The following NAALADL2 variants were observed in gnomAD, a reference collection of about 807,000 sequenced individuals.
The protein encoded by NAALADL2 is N-acetylated alpha-linked acidic dipeptidase like 2.
NAALADL2 carries 76 observed loss-of-function variants against 87.2 expected under a neutral mutation model. The ratio of observed to expected loss-of-function variants is 0.87; its 90% CI spans 0.72 to 1.05. The LOEUF (loss-of-function observed/expected upper bound fraction) is 1.05, where lower values mean the gene tolerates loss of function less well. Ranked by LOEUF, NAALADL2 falls within the 50% of genes least tolerant of loss-of-function variation. NAALADL2 has a pLI of 0.00. For synonymous variants in NAALADL2, 354 were observed against 331.0 expected (o/e 1.07, Z -0.75); for missense variants, 1,089 against 945.8 (o/e 1.15, Z -1.99).
chr3:174,885,892 T>TAGA, intron 1 of NAALADL2, among the ~76,000 whole-genome samples: 2 of 25,788 alleles, frequency 7.8e-5, no homozygotes, highest in Non-Finnish European at 1.4e-4. Flanking sequence ...TTTTTTTTTT[T>TAGA]TTTTTTTTTT....
chr3:175,261,498 A>G (rs1751032445), intron 4 of NAALADL2, among the ~76,000 whole-genome samples: 2 of 152,154 alleles, frequency 1.3e-5, no homozygotes, highest in Admixed American at 1.3e-4. Context: ...GTGAAATTAC[A>G]GATGAATATA....
intron 11 of NAALADL2, among the ~76,000 whole-genome samples, chr3:175,736,909 T>A (rs576138817): frequency 9.6e-4 from 146 of 152,316 alleles, no homozygotes; most frequent in Non-Finnish European, 1.8e-3. Flanking sequence ...TTGTCTGAAG[T>A]TTTCCTTAGT....
At position 175,379,551 on chromosome 3, in the gene NAALADL2, T is replaced by C. The variant is rs114181725; in HGVS notation, c.1090+55226T>C. ...TTTTGTTTTTTTTTTTTCCTTTTTT[T>C]AAGATGGAGTCTCACTCTGTCACCC... On this transcript the variant is annotated intron_variant, in intron 5 of 13. Coordinates refer to ENST00000454872, the MANE Select transcript of NAALADL2 (RefSeq NM_207015.3). Among the ~76,000 whole-genome samples the C allele has an allele frequency of 8.2e-3, 1,245 of 151,972 alleles. 12 individuals are homozygous for C. The highest frequency in any genetic ancestry group is 0.028 in the African/African-American group (1,176 of 41,438).
intron 2 of NAALADL2, among the ~76,000 whole-genome samples, chr3:174,567,679 A>T (rs776899241): frequency 6.6e-6 from 1 of 151,688 alleles, no homozygotes; most frequent in Non-Finnish European, 1.5e-5. Context: ...ATAAGTCGAT[A>T]TGATCATAGG....
chr3:175,321,023 GAC>G, intron 4 of NAALADL2, among the ~76,000 whole-genome samples: 1 of 151,604 alleles, frequency 6.6e-6, no homozygotes, highest in South Asian at 2.1e-4. Flanking sequence ...GCCGGGCAGA[GAC>G]ACAACCAAAA....
chr3:175,713,937 GT>G (rs1449630809), intron 11 of NAALADL2, among the ~76,000 whole-genome samples: 2 of 152,026 alleles, frequency 1.3e-5, no homozygotes, highest in Non-Finnish European at 2.9e-5. Flanking sequence ...ATGTTCATGT[GT>G]TCTCATTGTT....
At chr3:174,524,574 C>T (rs1047531959) in intron 1 of NAALADL2, among the ~76,000 whole-genome samples, 3 of 151,942 alleles carry the variant, frequency 2.0e-5, no homozygotes, top group South Asian at 2.1e-4. Context: ...TGACAGAGTC[C>T]GGCTCTGTTG....
intron 10 of NAALADL2, among the ~76,000 whole-genome samples, chr3:175,609,239 G>C (rs1385002424): frequency 6.6e-6 from 1 of 152,092 alleles, no homozygotes; most frequent in Non-Finnish European, 1.5e-5. Context: ...AGTGTAGTCT[G>C]AAACATTGGA....
chr3:174,705,752 C>A (rs1325072826), intron 2 of NAALADL2, among the ~76,000 whole-genome samples: 1 of 139,772 alleles, frequency 7.2e-6, no homozygotes, highest in Admixed American at 7.9e-5. Context: ...CACTGCACTC[C>A]AGCCTGGGCG....
chr3:175,630,104 T>A (rs1230208452), intron 11 of NAALADL2, among the ~76,000 whole-genome samples: 1 of 151,790 alleles, frequency 6.6e-6, no homozygotes, highest in African/African-American at 2.4e-5. Flanking sequence ...TGCACTCATG[T>A]TGGAAGCATT....
chr3:174,814,021 A>C (rs1449437629), intron 3 of NAALADL2, among the ~76,000 whole-genome samples: 1 of 152,168 alleles, frequency 6.6e-6, no homozygotes, highest in Non-Finnish European at 1.5e-5. Flanking sequence ...TTCATATAGA[A>C]GTTTAATAGA....
chr3:175,538,476 A>C (rs1711676027), intron 9 of NAALADL2, among the ~76,000 whole-genome samples: 1 of 152,148 alleles, frequency 6.6e-6, no homozygotes, highest in Admixed American at 6.5e-5. Context: ...TCTACATCAC[A>C]CACAAAAATA....
intron 5 of NAALADL2, among the ~76,000 whole-genome samples, chr3:175,371,168 T>A (rs932846063): frequency 1.3e-5 from 2 of 152,202 alleles, no homozygotes; most frequent in African/African-American, 4.8e-5. Context: ...TTTTTATATT[T>A]AGCTTCATCT....
At chr3:175,547,586 G>A (rs141900531) in intron 9 of NAALADL2, among the ~76,000 whole-genome samples, 2 of 152,080 alleles carry the variant, frequency 1.3e-5, no homozygotes, top group East Asian at 3.9e-4. Context: ...AAGAGCTTCT[G>A]CACCGCAAAA....
At chr3:175,396,593 G>T (rs995605021) in intron 5 of NAALADL2, among the ~76,000 whole-genome samples, 11 of 151,874 alleles carry the variant, frequency 7.2e-5, no homozygotes, top group Non-Finnish European at 1.5e-4. Context: ...CACTAGAGAC[G>T]CCAGAAATCT....
intron 5 of NAALADL2, among the ~76,000 whole-genome samples, chr3:175,417,623 C>T (rs1357445128): frequency 6.6e-6 from 1 of 151,918 alleles, no homozygotes. Context: ...CTCATTGGCA[C>T]TGTAGTTTAA....
chr3:175,230,462 C>G (rs992728355), intron 2 of NAALADL2, among the ~76,000 whole-genome samples: 1 of 151,758 alleles, frequency 6.6e-6, no homozygotes, highest in African/African-American at 2.4e-5. Flanking sequence ...TAGGCAAAAA[C>G]AAGAGCAGTT....
At chr3:175,268,942 ATT>A (rs71164626) in intron 4 of NAALADL2, among the ~76,000 whole-genome samples, 28,610 of 142,904 alleles carry the variant, frequency 0.2, 3,098 homozygotes, top group East Asian at 0.44. Context: ...TAACTATTTA[ATT>A]TTTTTTTTTT....
intron 4 of NAALADL2, among the ~76,000 whole-genome samples, chr3:175,286,383 G>A (rs73184724): frequency 1.3e-5 from 2 of 152,258 alleles, no homozygotes; most frequent in Non-Finnish European, 2.9e-5. Flanking sequence ...TAACTTCAAG[G>A]TTATAGTGTG....
Sources: gnomAD v4.1 joint callset for allele counts (sites outside exome capture counted in the v4.1 genomes callset) on GRCh38, gnomAD v4.1.1 for gene constraint, MANE v1.5 for transcripts, NCBI Gene and HGNC (gene_info 2026-07-23, HGNC 2026-07-21) for gene names.